PABPC4L: variants seen among roughly 807,000 people sequenced by gnomAD.
PABPC4L encodes the protein polyadenylate-binding protein 4-like.
For synonymous variants in PABPC4L, 169 were observed against 164.1 expected, an observed-to-expected ratio of 1.03 and a Z score of -0.23; for missense variants, 452 against 451.4, an observed-to-expected ratio of 1.00 and a Z score of -0.01.
the PABPC4L span, among the ~76,000 whole-genome samples, chr4:134,078,375 C>A: frequency 6.6e-6 from 1 of 152,164 alleles, no homozygotes; most frequent in Admixed American, 6.5e-5. Context: ...ACACCGTGTA[C>A]TTAAAGGAAT....
At chr4:134,022,645 A>G in the PABPC4L span, among the ~76,000 whole-genome samples, 1 of 151,260 alleles carries the variant, frequency 6.6e-6, no homozygotes, top group Admixed American at 6.6e-5. Context: ...CTCGACTATC[A>G]CCCTCTCCTT....
At chr4:133,983,483 G>T in the PABPC4L span, among the ~76,000 whole-genome samples, 1 of 151,516 alleles carries the variant, frequency 6.6e-6, no homozygotes, top group Admixed American at 6.6e-5. Context: ...GCCCAGCGAA[G>T]GTTTGAAAAA....
the PABPC4L span, among the ~76,000 whole-genome samples, chr4:134,054,764 G>A: frequency 6.6e-6 from 1 of 151,762 alleles, no homozygotes; most frequent in African/African-American, 2.4e-5. Flanking sequence ...TGGTATCTAT[G>A]TTCACTTTGT....
At chr4:134,052,562 A>G in the PABPC4L span, among the ~76,000 whole-genome samples, 2 of 152,078 alleles carry the variant, frequency 1.3e-5, no homozygotes, top group African/African-American at 4.8e-5. Flanking sequence ...CTTTTCCTAT[A>G]TAAGTAATCT....
chr4:134,087,445 T>C, the PABPC4L span, among the ~76,000 whole-genome samples: 1 of 152,240 alleles, frequency 6.6e-6, no homozygotes, highest in East Asian at 1.9e-4. Flanking sequence ...CTATTGCAGG[T>C]CAAAATCCTA....
the PABPC4L span, among the ~76,000 whole-genome samples, chr4:133,983,055 T>G: frequency 1.7e-4 from 26 of 151,936 alleles, no homozygotes; most frequent in African/African-American, 6.3e-4. Context: ...ATTCCAGAAA[T>G]GCTTTCCTGT....
the PABPC4L span, among the ~76,000 whole-genome samples, chr4:134,176,526 A>C: frequency 6.6e-6 from 1 of 152,138 alleles, no homozygotes; most frequent in Admixed American, 6.6e-5. Context: ...AGAAACACTT[A>C]AAAATAATCA....
At chr4:134,172,978 A>AT in the PABPC4L span, among the ~76,000 whole-genome samples, 1 of 151,846 alleles carries the variant, frequency 6.6e-6, no homozygotes, top group Non-Finnish European at 1.5e-5. Context: ...ATCATTAATC[A>AT]TTAGATAGAT....
chr4:134,046,445 C>T, the PABPC4L span, among the ~76,000 whole-genome samples: 1 of 152,070 alleles, frequency 6.6e-6, no homozygotes, highest in Admixed American at 6.6e-5. Flanking sequence ...AGGAATGTAC[C>T]ATCTGGTTTT....
the PABPC4L span, among the ~76,000 whole-genome samples, chr4:134,179,877 G>A: frequency 6.6e-6 from 1 of 152,092 alleles, no homozygotes; most frequent in Non-Finnish European, 1.5e-5. Context: ...GGAGCACCCA[G>A]ATTCATAACA....
At chr4:133,966,715 C>G in the PABPC4L span, among the ~76,000 whole-genome samples, 2 of 152,176 alleles carry the variant, frequency 1.3e-5, no homozygotes, top group Admixed American at 6.5e-5. Flanking sequence ...GAATGAGAAA[C>G]CAAACATCGT....
chr4:134,034,384 T>G, the PABPC4L span, among the ~76,000 whole-genome samples: 1 of 151,930 alleles, frequency 6.6e-6, no homozygotes, highest in Non-Finnish European at 1.5e-5. Context: ...TAACACAACA[T>G]CCATTATACA....
chr4:134,090,899 T>C, the PABPC4L span, among the ~76,000 whole-genome samples: 5 of 152,114 alleles, frequency 3.3e-5, no homozygotes, highest in South Asian at 2.1e-4. Context: ...TTCTATTGCA[T>C]TTCCATAAAC....
At chr4:134,177,116 A>C in the PABPC4L span, among the ~76,000 whole-genome samples, 1 of 146,626 alleles carries the variant, frequency 6.8e-6, no homozygotes, top group African/African-American at 2.6e-5. Context: ...CCACACCCCC[A>C]CCACTGATAA....
the PABPC4L span, among the ~76,000 whole-genome samples, chr4:134,003,989 C>G: frequency 6.6e-6 from 1 of 151,818 alleles, no homozygotes. Flanking sequence ...CAAAAGTCAA[C>G]TCAAAATGGA....
the PABPC4L span, among the ~76,000 whole-genome samples, chr4:134,152,976 G>T: frequency 0.022 from 3,407 of 152,042 alleles, 127 homozygotes; most frequent in African/African-American, 0.077. Context: ...TTAACAACAA[G>T]CTCTGGAAGG....
chr4:134,104,829 C>T, the PABPC4L span, among the ~76,000 whole-genome samples: 4 of 151,588 alleles, frequency 2.6e-5, no homozygotes, highest in Non-Finnish European at 5.9e-5. Flanking sequence ...TGCAAAATAC[C>T]TACTGCACAA....
At chr4:134,117,185 C>T in the PABPC4L span, among the ~76,000 whole-genome samples, 2 of 151,758 alleles carry the variant, frequency 1.3e-5, no homozygotes. Context: ...CCTGACACTT[C>T]TACCATGGTG....
the PABPC4L span, among the ~76,000 whole-genome samples, chr4:133,952,650 G>T: frequency 2.6e-5 from 4 of 151,924 alleles, no homozygotes; most frequent in Non-Finnish European, 5.9e-5. Flanking sequence ...AATTTGTAAG[G>T]GTGTGATTTT....
Sources: gnomAD v4.1 joint callset for allele counts (sites outside exome capture counted in the v4.1 genomes callset) on GRCh38, gnomAD v4.1.1 for gene constraint, MANE v1.5 for transcripts, NCBI Gene and HGNC (gene_info 2026-07-23, HGNC 2026-07-21) for gene names.